The following PTPRT variants were observed in gnomAD, a reference collection of about 807,000 sequenced individuals.
PTPRT encodes the protein protein tyrosine phosphatase receptor type T, also known as receptor-type tyrosine-protein phosphatase T.
A neutral mutation model predicts 176.8 loss-of-function variants in PTPRT; 56 were observed. The observed-to-expected ratio is 0.32, with a 90% CI of 0.26 to 0.40. The LOEUF is 0.40. PTPRT is among the 10% of genes least tolerant of loss of function. The pLI is 1.00. For missense variants in PTPRT, 1,540 were observed against 1,908.2 expected (o/e 0.81, Z 3.60); for synonymous variants, 783 against 739.0 (o/e 1.06, Z -0.96).
intron 7 of PTPRT, among the ~76,000 whole-genome samples, chr20:42,578,538 C>T (rs1299574387): frequency 2.6e-5 from 4 of 152,154 alleles, no homozygotes; most frequent in Non-Finnish European, 4.4e-5. Context: ...CCTGCTCCAT[C>T]GACATTCTTC....
At chr20:43,051,014 T>C (rs1026431929) in intron 1 of PTPRT, among the ~76,000 whole-genome samples, 9 of 152,266 alleles carry the variant, frequency 5.9e-5, no homozygotes, top group South Asian at 2.1e-4. Flanking sequence ...ATTGTACAAG[T>C]GACACAAATC....
At chr20:42,683,195 G>A (rs1292658893) in intron 6 of PTPRT, among the ~76,000 whole-genome samples, 3 of 152,158 alleles carry the variant, frequency 2.0e-5, no homozygotes, top group South Asian at 2.1e-4. Flanking sequence ...ACAGAAACAC[G>A]GTTGTGCCAT....
At chr20:42,537,563 A>G (rs2072498953) in intron 7 of PTPRT, among the ~76,000 whole-genome samples, 1 of 152,158 alleles carries the variant, frequency 6.6e-6, no homozygotes, top group South Asian at 2.1e-4. Context: ...GGCTTAAGTG[A>G]CTTGCTCAGT....
intron 15 of PTPRT, among the ~76,000 whole-genome samples, chr20:42,215,207 T>C (rs1446729499): frequency 6.6e-6 from 1 of 152,134 alleles, no homozygotes; most frequent in Admixed American, 6.5e-5. Context: ...GTTGGGGAGA[T>C]GGCCCCTCTG....
rs147558257 is a variant in PTPRT, at chr20:43,075,007, C to T, written c.88+114639G>A. Among the ~76,000 whole-genome samples the T allele has an allele frequency of 8.0e-3, 1,223 of 152,332 alleles. 18 individuals are homozygous for T. Among genetic ancestry groups the T allele is most frequent in the African/African-American group, 0.025 (1,020 of 41,572 alleles). On this transcript the variant is annotated intron_variant, in intron 1 of 30. Coordinates refer to ENST00000373187, the MANE Select transcript of PTPRT (RefSeq NM_007050.6). ...CCCCTTCCCAGAGCTTTTGCATAGG[C>T]TCATTCCCCGGACAGAGCCTCTGGG...
the PTPRT span, among the ~76,000 whole-genome samples, chr20:42,064,287 CAT>C: frequency 1.3e-5 from 2 of 152,102 alleles, no homozygotes; most frequent in Non-Finnish European, 2.9e-5. Context: ...CTAAAAGACT[CAT>C]ATTGATTTTG....
chr20:42,275,919 C>T (rs953287425), intron 13 of PTPRT, among the ~76,000 whole-genome samples: 1 of 152,084 alleles, frequency 6.6e-6, no homozygotes, highest in Admixed American at 6.6e-5. Flanking sequence ...ATAGCATTGT[C>T]CTGCCCAAAC....
chr20:42,940,109 T>C (rs1229929698), intron 1 of PTPRT, among the ~76,000 whole-genome samples: 1 of 152,204 alleles, frequency 6.6e-6, no homozygotes, highest in African/African-American at 2.4e-5. Context: ...CCTTATTACT[T>C]TAGTTCTACC....
intron 7 of PTPRT, among the ~76,000 whole-genome samples, chr20:42,585,683 T>C (rs1157729932): frequency 6.6e-6 from 1 of 152,102 alleles, no homozygotes; most frequent in African/African-American, 2.4e-5. Context: ...ACTGAGGCAA[T>C]GAGCTATGAA....
At chr20:42,808,419 A>G (rs2077645404) in intron 2 of PTPRT, among the ~76,000 whole-genome samples, 1 of 152,302 alleles carries the variant, frequency 6.6e-6, no homozygotes, top group Middle Eastern at 3.4e-3. Context: ...AGAAGGAACG[A>G]TCATTTCAGG....
chr20:42,214,875 A>G (rs2055732278), intron 15 of PTPRT, among the ~76,000 whole-genome samples: 1 of 152,190 alleles, frequency 6.6e-6, no homozygotes, highest in South Asian at 2.1e-4. Flanking sequence ...CACTGCCTAG[A>G]CTGAAATCCT....
At chr20:42,303,455 A>G (rs559535236) in intron 12 of PTPRT, among the ~76,000 whole-genome samples, 21 of 152,246 alleles carry the variant, frequency 1.4e-4, no homozygotes, top group Non-Finnish European at 2.5e-4. Context: ...ATATTCCTCT[A>G]TGAAGCTATC....
chr20:42,072,797 G>A lies in PTPRT; in HGVS notation c.*8082C>T, dbSNP rs1204923121. 1 of 215,208 alleles carries A rather than the reference G, an allele frequency of 4.6e-6. No individual in the cohort carries two copies. Among genetic ancestry groups the A allele is most frequent in the African/African-American group, 2.3e-5 (1 of 44,262 alleles). The allele number at this position is 215,208 out of a possible 1,614,324, so 13.3% of individuals were successfully genotyped here. A position where few individuals can be genotyped will look rare whatever the true frequency, so the allele number is the denominator to read the frequency against. ...CTCAGGGTCACAGCTTTATTGTATAGATTTTTTAACACAGCCATGTTACAA... is the reference window on the plus strand; with the variant it reads ...CTCAGGGTCACAGCTTTATTGTATAAATTTTTTAACACAGCCATGTTACAA... On this transcript the variant is annotated 3_prime_UTR_variant, in exon 31 of 31. Transcript: ENST00000373187.
intron 9 of PTPRT, among the ~76,000 whole-genome samples, chr20:42,441,172 C>T (rs891647387): frequency 6.6e-6 from 1 of 152,104 alleles, no homozygotes; most frequent in Non-Finnish European, 1.5e-5. Context: ...TACAAAAGTA[C>T]ACAAATGAAA....
chr20:42,844,635 A>C (rs6103069), intron 2 of PTPRT, among the ~76,000 whole-genome samples: 18,670 of 152,122 alleles, frequency 0.12, 1,426 homozygotes, highest in East Asian at 0.35. Flanking sequence ...GACTTCCCCC[A>C]CATGACAATG....
At chr20:42,900,032 T>C (rs919900703) in intron 1 of PTPRT, among the ~76,000 whole-genome samples, 2 of 152,228 alleles carry the variant, frequency 1.3e-5, no homozygotes, top group African/African-American at 2.4e-5. Flanking sequence ...CCACACTTTA[T>C]GCAAGATGAA....
At chr20:42,962,487 C>A (rs934938692) in intron 1 of PTPRT, among the ~76,000 whole-genome samples, 2 of 151,730 alleles carry the variant, frequency 1.3e-5, no homozygotes, top group Non-Finnish European at 2.9e-5. Context: ...TAAAAATAAG[C>A]TACACTGAAT....
chr20:42,453,723 G>T (rs62203507), intron 8 of PTPRT, among the ~76,000 whole-genome samples: 1 of 150,068 alleles, frequency 6.7e-6, no homozygotes, highest in Non-Finnish European at 1.5e-5. Context: ...CAGACTGGAG[G>T]GCAACAGCGT....
rs1435336400 is a variant in PTPRT at position 42,077,978 on chromosome 20, C to T, written c.*2901G>A. On this transcript the variant is annotated 3_prime_UTR_variant, in exon 31 of 31. Coordinates refer to ENST00000373187, the MANE Select transcript of PTPRT (RefSeq NM_007050.6). ...TAAATAGCTCTCCCTCCACCCTCATCCTGTCTGGATGTACCAAGATCTAAG... is the reference window on the plus strand; with the variant it reads ...TAAATAGCTCTCCCTCCACCCTCATTCTGTCTGGATGTACCAAGATCTAAG... 5.1e-6 allele frequency: 1 copy of T among 194,772 alleles called. No individual in the cohort carries two copies. The highest frequency in any genetic ancestry group is 8.0e-5 in the East Asian group (1 of 12,450). The allele number at this position is 194,772 out of a possible 1,614,324, so 12.1% of individuals were successfully genotyped here.
Sources: allele counts gnomAD v4.1 joint callset (sites outside exome capture counted in the v4.1 genomes callset), GRCh38; gene constraint gnomAD v4.1.1; transcripts MANE v1.5; gene names NCBI Gene and HGNC (gene_info 2026-07-23, HGNC 2026-07-21).